GPM6B: variants seen among roughly 807,000 people sequenced by gnomAD.
The protein encoded by GPM6B is glycoprotein M6B.
Under a neutral mutation model 27.2 loss-of-function variants are expected in GPM6B, and 4 were observed. The ratio of observed to expected loss-of-function variants is 0.15; its 90% confidence interval spans 0.07 to 0.34. The LOEUF (loss-of-function observed/expected upper bound fraction) is 0.34. Ranked by LOEUF, GPM6B falls within the 10% of genes least tolerant of loss-of-function variation. GPM6B has a pLI of 1.00. For synonymous variants in GPM6B, 124 were observed against 103.1 expected, an observed-to-expected ratio of 1.20 and a Z score of -1.23; for missense variants, 183 against 261.9, an observed-to-expected ratio of 0.70 and a Z score of 2.08.
intron 1 of GPM6B, among the ~76,000 whole-genome samples, chrX:13,891,133 A>C (rs2050184531): frequency 9.1e-6 from 1 of 109,794 alleles, no homozygotes; most frequent in African/African-American, 3.4e-5. Flanking sequence ...CATTACTTTC[A>C]AAAAAAAGGG....
chrX:13,876,517 G>A (rs1281691237), intron 1 of GPM6B, among the ~76,000 whole-genome samples: 2 of 112,165 alleles, frequency 1.8e-5, no homozygotes, highest in African/African-American at 6.5e-5. Flanking sequence ...CCCTGCTGCA[G>A]TAGATAATGT....
intron 1 of GPM6B, among the ~76,000 whole-genome samples, chrX:13,855,600 T>G (rs757362471): frequency 8.9e-6 from 1 of 112,254 alleles, no homozygotes; most frequent in Non-Finnish European, 1.9e-5. Context: ...ATTTTCTAAA[T>G]GCTAGCAAAA....
chrX:13,899,589 C>A (rs1057059363), intron 1 of GPM6B, among the ~76,000 whole-genome samples: 2 of 110,341 alleles, frequency 1.8e-5, no homozygotes, highest in African/African-American at 6.6e-5. Flanking sequence ...CACTAGTAGT[C>A]TATTTGTGTC....
chrX:13,934,987 G>A (rs987555017), intron 1 of GPM6B, among the ~76,000 whole-genome samples: 1 of 111,038 alleles, frequency 9.0e-6, no homozygotes, highest in Non-Finnish European at 1.9e-5. Context: ...CAGGCCCACT[G>A]AATCAGACAC....
At chrX:13,872,946 T>C (rs143831567) in intron 1 of GPM6B, among the ~76,000 whole-genome samples, 2 of 111,007 alleles carry the variant, frequency 1.8e-5, no homozygotes, top group East Asian at 2.8e-4. Flanking sequence ...ATCTCTTTTG[T>C]TTTATGCTAG....
intron 1 of GPM6B, among the ~76,000 whole-genome samples, chrX:13,880,073 C>T (rs759020047): frequency 4.4e-5 from 5 of 112,399 alleles, no homozygotes; most frequent in African/African-American, 6.5e-5. Flanking sequence ...GCTCTTGCTT[C>T]GCAAAGAACA....
At chrX:13,883,974 A>C (rs1022477873) in intron 1 of GPM6B, among the ~76,000 whole-genome samples, 1 of 112,126 alleles carries the variant, frequency 8.9e-6, no homozygotes, top group African/African-American at 3.2e-5. Context: ...TCAGGAGTTC[A>C]AGACCAGCAT....
At chrX:13,916,627 TAA>T (rs2050431037) in intron 1 of GPM6B, among the ~76,000 whole-genome samples, 1 of 109,060 alleles carries the variant, frequency 9.2e-6, no homozygotes, top group Non-Finnish European at 1.9e-5. Flanking sequence ...CTGCACTGTT[TAA>T]GTTTGTTTGA....
At chrX:13,903,490 T>C (rs182013153) in intron 1 of GPM6B, among the ~76,000 whole-genome samples, 108 of 111,994 alleles carry the variant, frequency 9.6e-4, no homozygotes, top group African/African-American at 3.4e-3. Context: ...CCAAAGCACA[T>C]AGTTAGCAGA....
At chrX:13,825,029 C>G (rs1042120068) in intron 1 of GPM6B, among the ~76,000 whole-genome samples, 7 of 112,027 alleles carry the variant, frequency 6.2e-5, no homozygotes, top group Admixed American at 9.4e-5. Flanking sequence ...GGTGTCCTCT[C>G]TGTGTGTGTA....
intron 1 of GPM6B, among the ~76,000 whole-genome samples, chrX:13,826,428 G>T (rs183723771): frequency 1.8e-4 from 20 of 111,662 alleles, no homozygotes; most frequent in African/African-American, 6.5e-4. Context: ...TTCTGGCCGG[G>T]TACAGTGTGG....
chrX:13,921,866 C>T (rs886865485), intron 1 of GPM6B, among the ~76,000 whole-genome samples: 2 of 111,799 alleles, frequency 1.8e-5, no homozygotes, highest in Non-Finnish European at 3.8e-5. Flanking sequence ...CGTGAGCCAC[C>T]GTGCCCGGCC....
At chrX:13,794,997 C>A (rs1263407173) in intron 2 of GPM6B, among the ~76,000 whole-genome samples, 2 of 112,231 alleles carry the variant, frequency 1.8e-5, no homozygotes, top group African/African-American at 6.5e-5. Flanking sequence ...CAAAAATGAA[C>A]AGCTTGTCAC....
At chrX:13,903,021 C>G (rs914743845) in intron 1 of GPM6B, among the ~76,000 whole-genome samples, 3 of 112,352 alleles carry the variant, frequency 2.7e-5, no homozygotes, top group Non-Finnish European at 5.6e-5. Context: ...GAAATGACCA[C>G]AACCTAACAT....
intron 1 of GPM6B, among the ~76,000 whole-genome samples, chrX:13,916,468 C>T (rs771653921): frequency 6.3e-5 from 7 of 110,937 alleles, no homozygotes; most frequent in Non-Finnish European, 9.5e-5. Flanking sequence ...ATTTGAAGTG[C>T]GTTGGAAACC....
chrX:13,910,391 G>A (rs1026505129), intron 1 of GPM6B, among the ~76,000 whole-genome samples: 28 of 112,761 alleles, frequency 2.5e-4, no homozygotes, highest in Non-Finnish European at 1.9e-5. Context: ...GCCACTGGGC[G>A]AATGCACATT....
At chrX:13,864,153 A>G (rs1299360027) in intron 1 of GPM6B, among the ~76,000 whole-genome samples, 1 of 112,442 alleles carries the variant, frequency 8.9e-6, no homozygotes, top group East Asian at 2.8e-4. Flanking sequence ...ACCATGGGAA[A>G]TCTGCAAGAG....
intron 1 of GPM6B, among the ~76,000 whole-genome samples, chrX:13,847,170 A>G (rs2049659501): frequency 8.9e-6 from 1 of 111,932 alleles, no homozygotes; most frequent in African/African-American, 3.2e-5. Flanking sequence ...ACCATCTTAT[A>G]TGTGTGCAAA....
chrX:13,777,492 C>G lies in GPM6B; in HGVS notation c.698-67G>C, dbSNP rs41311827. ...CGCCTCATGTTCTTAACAGACCCCA[C>G]CACTTCGGATGCCAGTTACAGTGTA... is the stretch of plus-strand genomic sequence containing the variant. On this transcript the variant is annotated intron_variant, in intron 5 of 7. Transcript: ENST00000316715. 5,337 of 701,806 alleles carry G rather than the reference C, an allele frequency of 7.6e-3. 29 individuals carry two copies. The highest frequency in any genetic ancestry group is 9.2e-3 in the Non-Finnish European group (4,031 of 437,036). The allele number at this position is 701,806 out of a possible 1,213,427, so 57.8% of individuals were successfully genotyped here. A position where few individuals can be genotyped will look rare whatever the true frequency, so the allele number is the denominator to read the frequency against.
Sources: allele counts gnomAD v4.1 joint callset (sites outside exome capture counted in the v4.1 genomes callset), GRCh38; gene constraint gnomAD v4.1.1; transcripts MANE v1.5; gene names NCBI Gene and HGNC (gene_info 2026-07-23, HGNC 2026-07-21).